The following NHSL2 variants were observed in gnomAD, a reference collection of about 807,000 sequenced individuals.
The protein encoded by NHSL2 is NHS-like protein 2.
Under a neutral mutation model 53.4 loss-of-function variants are expected in NHSL2, and 27 were observed. The ratio of observed to expected loss-of-function variants is 0.51; its 90% CI spans 0.37 to 0.70. NHSL2 has a LOEUF of 0.70. Among genes scored for constraint, NHSL2 ranks in the 30% least tolerant of loss-of-function variants. The pLI, the probability that NHSL2 is intolerant of heterozygous loss-of-function variation, is 0.00. For synonymous variants in NHSL2, 408 were observed against 404.1 expected (o/e 1.01, Z -0.12); for missense variants, 892 against 980.1 (o/e 0.91, Z 1.20).
At chrX:72,034,525 G>T (rs747215092) in intron 1 of NHSL2, among the ~76,000 whole-genome samples, 1 of 111,421 alleles carries the variant, frequency 9.0e-6, no homozygotes, top group Non-Finnish European at 1.9e-5. Context: ...TTAATGTTTG[G>T]TAGAATTCTC....
chrX:72,012,943 C>T (rs1027657985), intron 1 of NHSL2, among the ~76,000 whole-genome samples: 1 of 112,545 alleles, frequency 8.9e-6, no homozygotes, highest in Admixed American at 9.4e-5. Context: ...ATTGTAGCTA[C>T]ATAATAAGTC....
At chrX:72,034,426 G>A (rs1329479654) in intron 1 of NHSL2, among the ~76,000 whole-genome samples, 2 of 111,694 alleles carry the variant, frequency 1.8e-5, no homozygotes, top group Non-Finnish European at 3.8e-5. Flanking sequence ...TTAGGTATCA[G>A]GGTATAATAC....
At chrX:71,994,490 G>A (rs1240723173) in intron 1 of NHSL2, among the ~76,000 whole-genome samples, 1 of 110,900 alleles carries the variant, frequency 9.0e-6, no homozygotes, top group Non-Finnish European at 1.9e-5. Context: ...GCATGTTCAC[G>A]CCCCAGTGTG....
At chrX:71,991,818 T>TTCTCTCTCTC (rs59851052) in intron 1 of NHSL2, among the ~76,000 whole-genome samples, 2,943 of 99,797 alleles carry the variant, frequency 0.029, 86 homozygotes, top group African/African-American at 0.086. Context: ...GTCTTTCTCT[T>TTCTCTCTCTC]TCTCTCTCTC....
intron 7 of NHSL2, among the ~76,000 whole-genome samples, 199 bp from the exon 8 acceptor site, chrX:72,143,054 G>T (rs7472405): frequency 0.51 from 56,073 of 109,769 alleles, 13,283 homozygotes; most frequent in Non-Finnish European, 0.73. Context: ...GACTCCAGCT[G>T]GGGGCATTGA....
chrX:72,055,811 C>T (rs940258826), intron 1 of NHSL2, among the ~76,000 whole-genome samples: 45 of 112,051 alleles, frequency 4.0e-4, no homozygotes, highest in African/African-American at 1.4e-3. Flanking sequence ...GCAAATGTTC[C>T]GAACCTTGAG....
At chrX:72,059,980 C>T (rs1011422103) in intron 1 of NHSL2, among the ~76,000 whole-genome samples, 1 of 111,892 alleles carries the variant, frequency 8.9e-6, no homozygotes, top group Admixed American at 9.5e-5. Context: ...TGGTGATCTG[C>T]AGCAGAACAC....
At chrX:72,079,647 G>C (rs149548011) in intron 1 of NHSL2, 16 of 112,770 alleles carry the variant, frequency 1.4e-4, no homozygotes, top group Non-Finnish European at 2.3e-4. Flanking sequence ...GAGAGAAAGT[G>C]TGTGTGTGGA....
intron 1 of NHSL2, among the ~76,000 whole-genome samples, chrX:71,915,375 C>T (rs1249250914): frequency 2.7e-5 from 3 of 111,146 alleles, no homozygotes; most frequent in Non-Finnish European, 5.7e-5. Context: ...AGTCATTAAC[C>T]ACCATATGTG....
chrX:71,974,534 G>A (rs2041940052), intron 1 of NHSL2, among the ~76,000 whole-genome samples: 1 of 111,962 alleles, frequency 8.9e-6, no homozygotes, highest in African/African-American at 3.2e-5. Context: ...GGGTTAAGTA[G>A]GGCCTTCTCT....
chrX:72,093,712 A>AGCTT (rs747248899), intron 1 of NHSL2, among the ~76,000 whole-genome samples: 8,572 of 71,424 alleles, frequency 0.12, 378 homozygotes, highest in Middle Eastern at 0.19. Context: ...CCCCTAGTAT[A>AGCTT]GCTTGCTTGC....
intron 1 of NHSL2, among the ~76,000 whole-genome samples, chrX:72,068,342 G>T (rs1262513608): frequency 3.6e-5 from 4 of 112,531 alleles, no homozygotes; most frequent in Non-Finnish European, 7.5e-5. Flanking sequence ...AGTGCCCCAA[G>T]TCTTCCAGGC....
At chrX:71,923,468 C>T (rs1336962638) in intron 1 of NHSL2, among the ~76,000 whole-genome samples, 1 of 112,236 alleles carries the variant, frequency 8.9e-6, no homozygotes, top group African/African-American at 3.2e-5. Flanking sequence ...CTTGAGACCC[C>T]TTTGCAGGGT....
intron 1 of NHSL2, among the ~76,000 whole-genome samples, chrX:72,113,323 C>T (rs1253849652): frequency 1.8e-5 from 2 of 111,105 alleles, no homozygotes; most frequent in Non-Finnish European, 3.8e-5. Flanking sequence ...TGCCACCTGC[C>T]GTGAGGGGTG....
chrX:72,128,708 C>G (rs1464636972), intron 1 of NHSL2: 1 of 112,623 alleles, frequency 8.9e-6, no homozygotes, highest in African/African-American at 3.2e-5. Flanking sequence ...ACTAAGGGTT[C>G]CTTGAAATTG....
intron 1 of NHSL2, among the ~76,000 whole-genome samples, chrX:72,032,317 C>T (rs1163056060): frequency 9.0e-6 from 1 of 111,098 alleles, no homozygotes; most frequent in Non-Finnish European, 1.9e-5. Flanking sequence ...TTGCTTGAAC[C>T]CGGGAGGCGG....
At chrX:72,039,059 CTCTTT>C (rs1233048846) in intron 1 of NHSL2, among the ~76,000 whole-genome samples, 4 of 66,447 alleles carry the variant, frequency 6.0e-5, no homozygotes, top group East Asian at 4.1e-4. Flanking sequence ...TCCTTCCCTT[CTCTTT>C]TCTTTTCCTT....
At chrX:71,960,232 T>A (rs1421986357) in intron 1 of NHSL2, among the ~76,000 whole-genome samples, 3 of 112,448 alleles carry the variant, frequency 2.7e-5, no homozygotes, top group Non-Finnish European at 5.6e-5. Context: ...ATTGTTGAGT[T>A]ATAATTATTC....
intron 1 of NHSL2, among the ~76,000 whole-genome samples, chrX:72,123,052 G>C (rs2042193552): frequency 8.9e-6 from 1 of 112,249 alleles, no homozygotes; most frequent in African/African-American, 3.2e-5. Flanking sequence ...GAACTCAGAA[G>C]GGCAGGGGCT....
Sources: gnomAD v4.1 joint callset for allele counts (sites outside exome capture counted in the v4.1 genomes callset) on GRCh38, gnomAD v4.1.1 for gene constraint, MANE v1.5 for transcripts, NCBI Gene and HGNC (gene_info 2026-07-23, HGNC 2026-07-21) for gene names.